The following MAN1B1 variants were observed in gnomAD, a reference collection of about 807,000 sequenced individuals.
MAN1B1 encodes the protein endoplasmic reticulum mannosyl-oligosaccharide 1,2-alpha-mannosidase.
A neutral mutation model predicts 75.5 loss-of-function variants in MAN1B1; 66 were observed. The ratio of observed to expected loss-of-function variants is 0.87; its 90% CI spans 0.72 to 1.07. The LOEUF (loss-of-function observed/expected upper bound fraction) is 1.07. MAN1B1 is among the 50% of genes least tolerant of loss of function. The pLI is 0.00. For missense variants in MAN1B1, 973 were observed against 912.5 expected (o/e 1.07, Z -0.85); for synonymous variants, 453 against 382.8 (o/e 1.18, Z -2.14).
chr9:137,099,774 G>A lies in MAN1B1; in HGVS notation c.809G>A (p.Gly270Asp). Residue 270 changes from glycine to aspartate, a missense_variant, in exon 6 of 13, where the codon GGC becomes GAC. Transcript: ENST00000371589. ...AAAGGATACCGCAAGTTTGCATGGG[G>A]CCATGACGAGCTGAAGCCTGTGTCC... is the stretch of plus-strand genomic sequence containing the variant. ...AWKGYRKFAWGHDELKPVSRS... is the reference protein window; with the variant it reads ...AWKGYRKFAWDHDELKPVSRS... 2 of 1,614,216 alleles carry A rather than the reference G, an allele frequency of 1.2e-6. No homozygotes were observed. The highest frequency in any genetic ancestry group is 1.7e-6 in the Non-Finnish European group (2 of 1,180,056).
At position 137,088,105 on chromosome 9, in the gene MAN1B1, A is replaced by C; in HGVS notation, c.250A>C (p.Asn84His). The C allele has an allele frequency of 6.2e-7, 1 of 1,614,210 alleles. No homozygotes were observed. The highest frequency in any genetic ancestry group is 8.5e-7 in the Non-Finnish European group (1 of 1,180,024). ...GAAGCAACTGTCGAGATTGCAGCGG[A>C]ATATGATTCTCTTCCTCCTTGCCTT... Reference protein sequence around the residue: ...KWKQLSRLQRNMILFLLAFLL... With the variant: ...KWKQLSRLQRHMILFLLAFLL... The change falls in exon 2 of 13, where the codon AAT becomes CAT. Residue 84 changes from asparagine to histidine, a missense_variant. By Grantham distance (68) the Asn-to-His change is moderately conservative (BLOSUM62 1). Coordinates refer to ENST00000371589, the MANE Select transcript of MAN1B1 (RefSeq NM_016219.5).
chr9:137,098,997 T>G (rs1830733346), intron 5 of MAN1B1, among the ~76,000 whole-genome samples: 1 of 152,212 alleles, frequency 6.6e-6, no homozygotes, highest in Admixed American at 6.5e-5. Flanking sequence ...ACCTGGCTAA[T>G]TTTTGTATTT....
intron 8 of MAN1B1, chr9:137,103,518 G>A (rs1830974491): frequency 9.1e-6 from 4 of 439,992 alleles, no homozygotes; most frequent in South Asian, 4.9e-5. Context: ...AGGCGTGCAG[G>A]CCGGTGGTGT....
chr9:137,100,882 AG>A, intron 6 of MAN1B1, 122 bp from the exon 7 acceptor site: 1 of 1,099,642 alleles, frequency 9.1e-7, no homozygotes, highest in Non-Finnish European at 1.4e-6. Flanking sequence ...AGCCTCCCAA[AG>A]TGCTGGGATT....
At chr9:137,096,654 G>C (rs78464754) in intron 4 of MAN1B1, among the ~76,000 whole-genome samples, 2 of 152,230 alleles carry the variant, frequency 1.3e-5, no homozygotes, top group African/African-American at 4.8e-5. Context: ...GTGCACAGGT[G>C]CGTGGGGATG....
chr9:137,105,517 G>C lies in MAN1B1; in HGVS notation c.1255-608G>C. On this transcript the variant is annotated intron_variant, in intron 8 of 12. Coordinates refer to ENST00000371589, the MANE Select transcript of MAN1B1 (RefSeq NM_016219.5). ...GCCAGGCCTCGAAGGTGCTGGGCAT[G>C]GGTTTGGGTGTCTGCGTTGGGTAGA... is the stretch of plus-strand genomic sequence containing the variant. 1.8e-5 allele frequency: 4 copies of C among 224,820 alleles called. No individual in the cohort carries two copies. In the South Asian group the frequency reaches 2.1e-4, roughly 12 times the overall value. The allele number at this position is 224,820 out of a possible 1,614,324, so 13.9% of individuals were successfully genotyped here.
rs140924470 is a variant in MAN1B1, at chr9:137,105,798, G to T, written c.1255-327G>T. The T allele has an allele frequency of 1.7e-4, 82 of 496,440 alleles. 1 individual carries two copies. The highest frequency in any genetic ancestry group is 9.4e-4 in the Middle Eastern group (3 of 3,198). The allele number at this position is 496,440 out of a possible 1,614,324, so 30.8% of individuals were successfully genotyped here. A position where few individuals can be genotyped will look rare whatever the true frequency, so the allele number is the denominator to read the frequency against. ...CATGGCTGACGGCCAGGCCTGGTGG[G>T]CTCTCGTGAGGACAGTGCCTGTGGT... On this transcript the variant is annotated intron_variant, in intron 8 of 12. Coordinates refer to ENST00000371589, the MANE Select transcript of MAN1B1 (RefSeq NM_016219.5).
intron 8 of MAN1B1, chr9:137,102,646 T>G (rs62584550): frequency 4.9e-6 from 1 of 204,734 alleles, no homozygotes; most frequent in Non-Finnish European, 9.3e-6. Flanking sequence ...ACGCTGTTGC[T>G]GGCGTGCAGG....
At chr9:137,088,272 A>G in intron 2 of MAN1B1, 89 bp downstream of exon 2, 1 of 1,612,844 alleles carries the variant, frequency 6.2e-7, no homozygotes, top group Non-Finnish European at 8.5e-7. Context: ...AAACAGCTCC[A>G]GGAGGCATAT....
chr9:137,087,755 T>TA (rs2130985328), intron 1 of MAN1B1, among the ~76,000 whole-genome samples: 1 of 152,364 alleles, frequency 6.6e-6, no homozygotes, highest in South Asian at 2.1e-4. Flanking sequence ...GCTTTTTTCT[T>TA]ATCCTCGTCT....
In MAN1B1 at chr9:137,107,331, C is replaced by G. The variant is rs746651255; in HGVS notation, c.1648C>G (p.Gln550Glu). 1.1e-5 allele frequency: 18 copies of G among 1,613,280 alleles called. No individual in the cohort carries two copies. Among genetic ancestry groups the G allele is most frequent in the Non-Finnish European group, 1.5e-5 (18 of 1,179,988 alleles). The change falls in exon 11 of 13, where the codon CAG becomes GAG. Residue 550 changes from glutamine (Q) to glutamate (E), a missense_variant. Coordinates refer to ENST00000371589, the MANE Select transcript of MAN1B1 (RefSeq NM_016219.5). ...GCCCGCCAGCCACATGGAGCTGGCCCAGGAGCTCATGGAGACTTGTTACCA... is the reference window on the plus strand; with the variant it reads ...GCCCGCCAGCCACATGGAGCTGGCCGAGGAGCTCATGGAGACTTGTTACCA... Reference protein sequence around the residue: ...GLPASHMELAQELMETCYQMN... With the variant: ...GLPASHMELAEELMETCYQMN...
chr9:137,096,521 C>T, intron 4 of MAN1B1, 130 bp downstream of exon 4: 1 of 1,250,646 alleles, frequency 8.0e-7, no homozygotes, highest in South Asian at 1.3e-5. Context: ...TGTAATCTGT[C>T]CTCATTAACC....
chr9:137,100,005 C>T (rs999247460), intron 6 of MAN1B1, 124 bp downstream of exon 6: 35 of 1,176,072 alleles, frequency 3.0e-5, no homozygotes, highest in Non-Finnish European at 4.0e-5. Context: ...TTCCCTTCTC[C>T]TGGGTGCGGG....
At chr9:137,099,340 C>T (rs1830743476) in intron 5 of MAN1B1, among the ~76,000 whole-genome samples, 1 of 152,256 alleles carries the variant, frequency 6.6e-6, no homozygotes, top group Non-Finnish European at 1.5e-5. Flanking sequence ...GTCCCAGCGC[C>T]CTTGGGGCAG....
intron 3 of MAN1B1, among the ~76,000 whole-genome samples, chr9:137,089,837 C>T (rs1442868741): frequency 6.6e-6 from 1 of 152,032 alleles, no homozygotes; most frequent in Non-Finnish European, 1.5e-5. Context: ...TGTGCAGGCT[C>T]TGGCTTGGGG....
At chr9:137,096,858 G>A (rs1482547017) in intron 4 of MAN1B1, among the ~76,000 whole-genome samples, 3 of 152,234 alleles carry the variant, frequency 2.0e-5, no homozygotes, top group South Asian at 2.1e-4. Context: ...TCTCTGCCTC[G>A]TTTCCGGCTC....
In MAN1B1 at chr9:137,098,104, AC is replaced by A. The variant is rs376726978; in HGVS notation, c.730+168del. Among the ~76,000 whole-genome samples, 43 of 152,326 alleles carry A rather than the reference AC, an allele frequency of 2.8e-4. No individual in the cohort carries two copies. The East Asian group carries it at 6.2e-3, about 22-fold the overall frequency. Reference sequence around the variant, plus strand: ...CCTCACAGGCTCTGCAACCTTGGTGACACCATGTGGCTCTTGGCCTGCTGTC... The same window carrying A: ...CCTCACAGGCTCTGCAACCTTGGTGAACCATGTGGCTCTTGGCCTGCTGTC... On this transcript the variant is annotated intron_variant, in intron 5 of 12. Transcript: ENST00000371589.
chr9:137,097,346 G>A (rs1284293970), intron 4 of MAN1B1, among the ~76,000 whole-genome samples: 2 of 152,148 alleles, frequency 1.3e-5, no homozygotes, highest in Non-Finnish European at 2.9e-5. Context: ...GAGGTTGCGC[G>A]GCAAACCCTC....
chr9:137,095,358 C>T (rs1000760980), intron 3 of MAN1B1, among the ~76,000 whole-genome samples: 1 of 151,432 alleles, frequency 6.6e-6, no homozygotes, highest in East Asian at 2.0e-4. Flanking sequence ...CATAAGTAAG[C>T]ATTCTTTCCT....
Sources: gnomAD v4.1 joint callset for allele counts (sites outside exome capture counted in the v4.1 genomes callset) on GRCh38, gnomAD v4.1.1 for gene constraint, MANE v1.5 for transcripts, NCBI Gene and HGNC (gene_info 2026-07-23, HGNC 2026-07-21) for gene names.